The following ATP2B2 variants were observed in gnomAD, a reference collection of about 807,000 sequenced individuals.
ATP2B2 encodes ATPase plasma membrane Ca2+ transporting 2, also known as plasma membrane calcium-transporting ATPase 2.
ATP2B2 carries 15 observed loss-of-function variants against 120.0 expected under a neutral mutation model. The ratio of observed to expected loss-of-function variants is 0.12; its 90% confidence interval spans 0.08 to 0.19. The LOEUF (loss-of-function observed/expected upper bound fraction) is 0.19. Among genes scored for constraint, ATP2B2 ranks in the 10% least tolerant of loss-of-function variants. The probability of loss-of-function intolerance (pLI) is 1.00; values close to 1 mark genes in which losing one functional copy is unlikely to be tolerated. For synonymous variants in ATP2B2, 694 were observed against 700.3 expected (o/e 0.99, Z 0.14); for missense variants, 1,045 against 1,719.8 (o/e 0.61, Z 6.94).
At chr3:10,527,082 A>T (rs1255581735) in intron 3 of ATP2B2, among the ~76,000 whole-genome samples, 1 of 152,166 alleles carries the variant, frequency 6.6e-6, no homozygotes, top group Non-Finnish European at 1.5e-5. Context: ...TTCAAACTCC[A>T]ATCTGTCTGA....
Position 10,464,210 on chromosome 3 carries a change from T to C in ATP2B2, c.-319-14348A>G, listed in dbSNP as rs186502760. On this transcript the variant is annotated intron_variant, in intron 1 of 22. Coordinates refer to ENST00000360273, the MANE Select transcript of ATP2B2 (RefSeq NM_001001331.4). ...CAGATGGTGCCACTTCTAAAAATAA[T>C]GCCGCACCACACTCCCCAGCGCAGC... Among the ~76,000 whole-genome samples the C allele has an allele frequency of 8.7e-4, 133 of 152,148 alleles. 1 individual carries two copies. Among genetic ancestry groups the C allele is most frequent in the African/African-American group, 2.8e-3 (116 of 41,528 alleles).
At chr3:10,491,724 TA>T (rs2065942233) in intron 1 of ATP2B2, among the ~76,000 whole-genome samples, 1 of 151,858 alleles carries the variant, frequency 6.6e-6, no homozygotes, top group African/African-American at 2.4e-5. Flanking sequence ...ATGATACCAT[TA>T]AAAAAAGAAA....
intron 2 of ATP2B2, among the ~76,000 whole-genome samples, chr3:10,413,726 C>T (rs538906071): frequency 1.2e-4 from 19 of 152,352 alleles, no homozygotes; most frequent in African/African-American, 4.3e-4. Flanking sequence ...ATAGCCAACA[C>T]CTGGAATTCC....
At chr3:10,629,822 A>C (rs17033267) in intron 1 of ATP2B2, among the ~76,000 whole-genome samples, 8,581 of 152,348 alleles carry the variant, frequency 0.056, 664 homozygotes, top group East Asian at 0.41. Context: ...GCATAAATTC[A>C]TTTAAACAAA....
At chr3:10,633,447 AT>A (rs1029496618) in intron 1 of ATP2B2, among the ~76,000 whole-genome samples, 1 of 151,942 alleles carries the variant, frequency 6.6e-6, no homozygotes, top group East Asian at 1.9e-4. Flanking sequence ...ATAATGTTTC[AT>A]TTTTTTTAAG....
chr3:10,576,399 G>A (rs1278929152), intron 2 of ATP2B2, among the ~76,000 whole-genome samples: 1 of 152,074 alleles, frequency 6.6e-6, no homozygotes, highest in Non-Finnish European at 1.5e-5. Flanking sequence ...GTTATTTTTT[G>A]AGACATCATC....
At position 10,327,651 on chromosome 3, in the gene ATP2B2, G is replaced by A. The variant is rs2059881007; in HGVS notation, c.*1163C>T. On this transcript the variant is annotated 3_prime_UTR_variant, in exon 23 of 23. Transcript: ENST00000360273. Reference sequence around the variant, plus strand: ...TGAAATGCTCTTAGTAAACTCAAGCGAGTTTCATTGAGAGAAAAGTCTTCG... The same window carrying A: ...TGAAATGCTCTTAGTAAACTCAAGCAAGTTTCATTGAGAGAAAAGTCTTCG... 1.3e-5 allele frequency: 2 copies of A among 152,676 alleles called. No homozygotes were observed. Among genetic ancestry groups the A allele is most frequent in the Non-Finnish European group, 2.9e-5 (2 of 68,054 alleles). The allele number at this position is 152,676 out of a possible 1,614,324, so 9.5% of individuals were successfully genotyped here. A position where few individuals can be genotyped will look rare whatever the true frequency, so the allele number is the denominator to read the frequency against.
chr3:10,438,861 C>T (rs537443505), intron 2 of ATP2B2, among the ~76,000 whole-genome samples: 7 of 152,336 alleles, frequency 4.6e-5, no homozygotes, highest in South Asian at 2.1e-4. Context: ...CCCTTAGGCC[C>T]GTGTGACAGA....
At chr3:10,531,907 T>C (rs555453076) in intron 3 of ATP2B2, among the ~76,000 whole-genome samples, 6 of 152,238 alleles carry the variant, frequency 3.9e-5, no homozygotes, top group South Asian at 2.1e-4. Context: ...AGAATCACCT[T>C]GGACAGACCC....
chr3:10,333,056 T>C (rs1463459270), intron 22 of ATP2B2, among the ~76,000 whole-genome samples: 1 of 152,212 alleles, frequency 6.6e-6, no homozygotes, highest in African/African-American at 2.4e-5. Context: ...GTCTGTCTGC[T>C]GAGGCCTTCA....
intron 1 of ATP2B2, among the ~76,000 whole-genome samples, chr3:10,487,493 T>C (rs1275181031): frequency 6.6e-6 from 1 of 152,206 alleles, no homozygotes; most frequent in Non-Finnish European, 1.5e-5. Flanking sequence ...GAGCAACTCA[T>C]CAATTCTCAG....
Position 10,346,291 on chromosome 3 carries a change from C to G in ATP2B2, c.2405-154G>C, listed in dbSNP as rs973732765. On this transcript the variant is annotated intron_variant, in intron 16 of 22. Transcript: ENST00000360273. This position sits in a 1 kb window ranked among gnomAD's most constrained non-coding sequence, Gnocchi z 4.1. ...CATCCAGGCTCTTCCCAGCTCCAGG[C>G]TGGCCTATAGCTGCCAGCAGGTTAC... 6.6e-6 allele frequency among the ~76,000 whole-genome samples: 1 copy of G among 152,254 alleles called. No homozygotes were observed. Among genetic ancestry groups the G allele is most frequent in the Non-Finnish European group, 1.5e-5 (1 of 68,040 alleles).
chr3:10,336,803 T>C (rs2060129073), intron 22 of ATP2B2, among the ~76,000 whole-genome samples: 2 of 152,214 alleles, frequency 1.3e-5, no homozygotes, highest in South Asian at 4.1e-4. Context: ...GGGTTATCTG[T>C]AAGTGGCAAA....
chr3:10,644,457 C>T (rs2070264233), intron 1 of ATP2B2, among the ~76,000 whole-genome samples: 1 of 152,190 alleles, frequency 6.6e-6, no homozygotes, highest in Admixed American at 6.5e-5. Context: ...AATATAGATA[C>T]ACATATGTTC....
At chr3:10,489,721 A>C (rs1050760745) in intron 1 of ATP2B2, among the ~76,000 whole-genome samples, 13 of 152,068 alleles carry the variant, frequency 8.5e-5, no homozygotes, top group African/African-American at 3.1e-4. Context: ...ACCTGCCTTC[A>C]ACTCAGCCTC....
chr3:10,413,547 C>T (rs190364807), intron 2 of ATP2B2, among the ~76,000 whole-genome samples: 47 of 152,340 alleles, frequency 3.1e-4, no homozygotes, highest in African/African-American at 1.1e-3. Flanking sequence ...GCCCTGAGAG[C>T]CCAGGGTAGC....
intron 1 of ATP2B2, among the ~76,000 whole-genome samples, chr3:10,658,802 C>T (rs1166494615): frequency 3.3e-5 from 5 of 151,818 alleles, no homozygotes; most frequent in Admixed American, 6.6e-5. Context: ...TCAGATTCAC[C>T]GAAGTTGAAA....
At chr3:10,367,495 G>A (rs2061098726) in intron 12 of ATP2B2, among the ~76,000 whole-genome samples, 1 of 152,162 alleles carries the variant, frequency 6.6e-6, no homozygotes, top group Non-Finnish European at 1.5e-5. Flanking sequence ...AGCTCAGAAA[G>A]AGCAGCAGAG....
chr3:10,665,552 AC>A (rs2070908147), intron 1 of ATP2B2, among the ~76,000 whole-genome samples: 1 of 151,974 alleles, frequency 6.6e-6, no homozygotes, highest in Non-Finnish European at 1.5e-5. Context: ...TGCCCGTTGT[AC>A]CCCCAGCACA....
Sources: gnomAD v4.1 joint callset for allele counts (sites outside exome capture counted in the v4.1 genomes callset) on GRCh38, gnomAD v4.1.1 for gene constraint, Gnocchi (gnomAD v3.1) non-coding constraint, MANE v1.5 for transcripts, NCBI Gene and HGNC (gene_info 2026-07-23, HGNC 2026-07-21) for gene names.